The following HPGD variants were observed in gnomAD, a reference collection of about 807,000 sequenced individuals.
The protein encoded by HPGD is 15-hydroxyprostaglandin dehydrogenase.
A neutral mutation model predicts 30.0 loss-of-function variants in HPGD; 29 were observed. The ratio of observed to expected loss-of-function variants is 0.97; its 90% confidence interval spans 0.72 to 1.32. HPGD has a LOEUF of 1.32. Among genes scored for constraint, HPGD ranks in the 40% most tolerant of loss-of-function variants. The pLI is 0.00. For missense variants in HPGD, 340 were observed against 322.1 expected, an observed-to-expected ratio of 1.06 and a Z score of -0.43; for synonymous variants, 99 against 112.4, an observed-to-expected ratio of 0.88 and a Z score of 0.75.
At chr4:174,522,501 C>T (rs1184498446), upstream of HPGD, 2 of 1,443,136 alleles carry the variant, frequency 1.4e-6, no homozygotes, top group Non-Finnish European at 1.9e-6. Context: ...CGTCTCCGCG[C>T]GGCCGCGGCT....
chr4:174,506,498 C>T (rs1414533612), intron 4 of HPGD, among the ~76,000 whole-genome samples: 1 of 152,020 alleles, frequency 6.6e-6, no homozygotes, highest in Non-Finnish European at 1.5e-5. Flanking sequence ...AGACTTGTAC[C>T]AGGCTATTTG....
At position 174,493,313 on chromosome 4, in the gene HPGD, A is replaced by T; in HGVS notation, c.500T>A (p.Leu167Ter). 6.2e-7 allele frequency: 1 copy of T among 1,613,058 alleles called. No homozygotes were observed. ...ACCACTGTTCATAAGATTAGCAGCCAACTGCCAATTAGAAGGTTGTAGGTT... is the reference window on the plus strand; with the variant it reads ...ACCACTGTTCATAAGATTAGCAGCCTACTGCCAATTAGAAGGTTGTAGGTT... ...GIVGFTRSAA[L>*]AANLMNSGVR... Residue 167 changes from leucine to a stop codon, truncating the protein, a stop_gained and splice_region_variant, in exon 6 of 7, where the codon TTG becomes TAG. Transcript: ENST00000296522. LOFTEE classifies it high-confidence loss of function.
chr4:174,500,883 A>G (rs1459537538), intron 4 of HPGD, among the ~76,000 whole-genome samples: 2 of 152,194 alleles, frequency 1.3e-5, no homozygotes, highest in Non-Finnish European at 2.9e-5. Context: ...TGAAACCTCA[A>G]ATAATTATTT....
Position 174,495,559 on chromosome 4 carries a change from G to C in HPGD, c.487C>G (p.Arg163Gly), listed in dbSNP as rs181587981. ...TGTTGTAGCCTCACCGCTGCTGAGC[G>C]TGTGAATCCAACTATGCCATGCTTT... ...ASKHGIVGFT[R>G]SAALAANLMN... The change falls in exon 5 of 7, where the codon CGC (arginine) becomes GGC (glycine). Residue 163 changes from arginine to glycine, a missense_variant. Transcript: ENST00000296522. 6 of 1,610,816 alleles carry C rather than the reference G, an allele frequency of 3.7e-6. No homozygotes were observed. The highest frequency in any genetic ancestry group is 1.1e-5 in the South Asian group (1 of 91,016).
intron 4 of HPGD, among the ~76,000 whole-genome samples, chr4:174,505,620 T>C (rs1735148426): frequency 6.6e-6 from 1 of 151,696 alleles, no homozygotes; most frequent in Non-Finnish European, 1.5e-5. Context: ...AGGCTCTCCG[T>C]TGGTGGATAA....
At chr4:174,518,545 G>C (rs1361914786) in intron 2 of HPGD, among the ~76,000 whole-genome samples, 1 of 152,122 alleles carries the variant, frequency 6.6e-6, no homozygotes, top group Non-Finnish European at 1.5e-5. Flanking sequence ...AATTCATAAA[G>C]TGTTATGTTA....
chr4:174,495,844 T>C, intron 4 of HPGD: 1 of 557,396 alleles, frequency 1.8e-6, no homozygotes, highest in Non-Finnish European at 3.2e-6. Flanking sequence ...GTAGCTAAGT[T>C]ACACAGAGAT....
rs778825547 is a variant in HPGD at position 174,497,568 on chromosome 4, CTTTTTT to C, written c.422-1950_422-1945del. Among the ~76,000 whole-genome samples, 479 of 51,048 alleles carry C rather than the reference CTTTTTT, an allele frequency of 9.4e-3. 2 individuals are homozygous for C. Among genetic ancestry groups the C allele is most frequent in the African/African-American group, 0.026 (382 of 14,908 alleles). The allele number at this position is 51,048 out of a possible 152,430, so 33.5% of individuals were successfully genotyped here. ...CACTTTCTTTTCTTTCTTTTTCTTT[CTTTTTT>C]TTTTTTTTTTTTTTTTTTTTTTGAG... On this transcript the variant is annotated intron_variant, in intron 4 of 6. Transcript: ENST00000296522.
intron 4 of HPGD, among the ~76,000 whole-genome samples, chr4:174,503,808 G>C (rs1309523732): frequency 6.6e-6 from 1 of 150,912 alleles, no homozygotes; most frequent in Non-Finnish European, 1.5e-5. Context: ...CTGCAGCTTT[G>C]AACTCCTAGG....
At chr4:174,510,369 A>C (rs1472774575) in intron 3 of HPGD, among the ~76,000 whole-genome samples, 1 of 152,200 alleles carries the variant, frequency 6.6e-6, no homozygotes, top group Non-Finnish European at 1.5e-5. Flanking sequence ...GAAGAAAAAG[A>C]TGTAGATGGC....
chr4:174,522,159 T>C, intron 1 of HPGD, 92 bp from the exon 2 acceptor site: 1 of 1,588,092 alleles, frequency 6.3e-7, no homozygotes, highest in East Asian at 2.2e-5. Flanking sequence ...CTCCTGGACC[T>C]GAAATTTGGC....
At chr4:174,510,337 A>G (rs45437095) in intron 3 of HPGD, among the ~76,000 whole-genome samples, 2,585 of 152,348 alleles carry the variant, frequency 0.017, 33 homozygotes, top group Middle Eastern at 0.034. Context: ...AAGGAAAACC[A>G]AAACATTAAT....
chr4:174,503,083 T>C (rs896650717), intron 4 of HPGD, among the ~76,000 whole-genome samples: 2 of 152,212 alleles, frequency 1.3e-5, no homozygotes, highest in Admixed American at 6.5e-5. Context: ...ACCTCGAATC[T>C]CTCATCTATC....
intron 4 of HPGD, chr4:174,507,298 G>A (rs1371503182): frequency 5.3e-5 from 8 of 152,152 alleles, no homozygotes; most frequent in Non-Finnish European, 1.0e-4. Flanking sequence ...AAATAGGTTT[G>A]TAATAGCTTT....
At chr4:174,512,917 C>A (rs1735583412) in intron 3 of HPGD, among the ~76,000 whole-genome samples, 1 of 152,176 alleles carries the variant, frequency 6.6e-6, no homozygotes, top group Non-Finnish European at 1.5e-5. Flanking sequence ...ATGATATTGG[C>A]ACTTTCCAGC....
chr4:174,493,347 T>G, intron 5 of HPGD, 33 bp from the exon 6 acceptor site: 6 of 1,605,962 alleles, frequency 3.7e-6, no homozygotes, highest in Non-Finnish European at 5.1e-6. Flanking sequence ...TTTCAGCAGT[T>G]TCATAAACAT....
chr4:174,501,680 A>G (rs1443079107), intron 4 of HPGD, among the ~76,000 whole-genome samples: 3 of 152,210 alleles, frequency 2.0e-5, no homozygotes, highest in South Asian at 2.1e-4. Flanking sequence ...TAATAACACT[A>G]AACAATTAGA....
rs761850340 is a variant in HPGD, at chr4:174,493,320, A to G, written c.499-6T>C. 4.3e-6 allele frequency: 7 copies of G among 1,612,954 alleles called. No homozygotes were observed. Among genetic ancestry groups the G allele is most frequent in the Non-Finnish European group, 5.9e-6 (7 of 1,179,156 alleles). On this transcript the variant is annotated splice_region_variant and splice_polypyrimidine_tract_variant and intron_variant, in intron 5 of 6. Coordinates refer to ENST00000296522, the MANE Select transcript of HPGD (RefSeq NM_000860.6). ...TTCATAAGATTAGCAGCCAACTGCC[A>G]ATTAGAAGGTTGTAGGTTTCAGCAG...
At chr4:174,500,398 T>A (rs1221035287) in intron 4 of HPGD, among the ~76,000 whole-genome samples, 1 of 152,214 alleles carries the variant, frequency 6.6e-6, no homozygotes, top group Non-Finnish European at 1.5e-5. Context: ...ATTTAGTTCC[T>A]TGGCATTTAC....
Sources: gnomAD v4.1 joint callset for allele counts (sites outside exome capture counted in the v4.1 genomes callset) on GRCh38, gnomAD v4.1.1 for gene constraint, MANE v1.5 for transcripts, NCBI Gene and HGNC (gene_info 2026-07-23, HGNC 2026-07-21) for gene names.